The following COL23A1 variants were observed in gnomAD, a reference collection of about 807,000 sequenced individuals.
The protein encoded by COL23A1 is collagen alpha-1(XXIII) chain.
Under a neutral mutation model 99.3 loss-of-function variants are expected in COL23A1, and 97 were observed. The observed-to-expected ratio is 0.98, with a 90% confidence interval of 0.83 to 1.16. The LOEUF (loss-of-function observed/expected upper bound fraction) is 1.16. COL23A1 is among the 50% of genes most tolerant of loss of function. The probability of loss-of-function intolerance (pLI) is 0.00; values close to 1 mark genes in which losing one functional copy is unlikely to be tolerated. For missense variants in COL23A1, 762 were observed against 757.4 expected (o/e 1.01, Z -0.07); for synonymous variants, 320 against 308.2 (o/e 1.04, Z -0.40).
At chr5:178,350,522 G>A (rs1761261376) in intron 2 of COL23A1, among the ~76,000 whole-genome samples, 1 of 152,198 alleles carries the variant, frequency 6.6e-6, no homozygotes, top group Non-Finnish European at 1.5e-5. Context: ...CTGCAATGTG[G>A]GGAGCAATCA....
At chr5:178,403,134 A>AAAAAAAAAAAAAAAAAAAAAAAAAAC (rs1764559205) in intron 2 of COL23A1, among the ~76,000 whole-genome samples, 1 of 146,314 alleles carries the variant, frequency 6.8e-6, no homozygotes, top group Non-Finnish European at 1.5e-5. Flanking sequence ...AAATAAATAA[A>AAAAAAAAAAAAAAAAAAAAAAAAAAC]AAATAAATAC....
chr5:178,466,651 T>C (rs539925151), intron 2 of COL23A1, among the ~76,000 whole-genome samples: 2 of 152,354 alleles, frequency 1.3e-5, no homozygotes, highest in African/African-American at 4.8e-5. Flanking sequence ...CTGCGGGGGA[T>C]GGCCCTGCAG....
chr5:178,552,017 T>C (rs1167813716), intron 2 of COL23A1, among the ~76,000 whole-genome samples: 3 of 152,064 alleles, frequency 2.0e-5, no homozygotes, highest in Non-Finnish European at 4.4e-5. Flanking sequence ...GCATCCCCCA[T>C]CCCAGGTGGC....
intron 2 of COL23A1, among the ~76,000 whole-genome samples, chr5:178,560,061 T>C (rs1762481134): frequency 6.6e-6 from 1 of 152,146 alleles, no homozygotes; most frequent in Non-Finnish European, 1.5e-5. Context: ...TGTGCAAAGC[T>C]CCCCTGAGGA....
Position 178,470,180 on chromosome 5 carries a change from A to C in COL23A1, c.361+90502T>G, listed in dbSNP as rs577304528. On this transcript the variant is annotated intron_variant, in intron 2 of 28. Coordinates refer to ENST00000390654, the MANE Select transcript of COL23A1 (RefSeq NM_173465.4). Reference sequence around the variant, plus strand: ...TAATGCAAAGTCCTGGTTGGTCAACACCTGGTGCAGCTCTTCCTCCAGGCA... The same window carrying C: ...TAATGCAAAGTCCTGGTTGGTCAACCCCTGGTGCAGCTCTTCCTCCAGGCA... Among the ~76,000 whole-genome samples, 74 of 152,268 alleles carry C rather than the reference A, an allele frequency of 4.9e-4. 1 individual carries two copies. The highest frequency in any genetic ancestry group is 2.7e-3 in the Admixed American group (42 of 15,296).
At chr5:178,576,836 G>C (rs1763388432) in intron 1 of COL23A1, among the ~76,000 whole-genome samples, 1 of 151,904 alleles carries the variant, frequency 6.6e-6, no homozygotes, top group African/African-American at 2.4e-5. Flanking sequence ...GGCCTCTCGG[G>C]CAGCGCCGCC....
In COL23A1 at chr5:178,280,688, C is replaced by A. The variant is rs1756850998; in HGVS notation, c.441+7636G>T. On this transcript the variant is annotated intron_variant, in intron 5 of 28. Coordinates refer to ENST00000390654, the MANE Select transcript of COL23A1 (RefSeq NM_173465.4). This position sits in a 1 kb window ranked among gnomAD's most constrained non-coding sequence, Gnocchi z 4.9. ...TGCCTGGGGAAGTGGGAGGCGGTTC[C>A]AGCCAGTGACCACGCTGCAAACATA... 6.6e-6 allele frequency among the ~76,000 whole-genome samples: 1 copy of A among 152,130 alleles called. No individual in the cohort carries two copies. Among genetic ancestry groups the A allele is most frequent in the East Asian group, 1.9e-4 (1 of 5,186 alleles).
chr5:178,570,883 G>A (rs923100218), intron 1 of COL23A1, among the ~76,000 whole-genome samples: 2 of 151,904 alleles, frequency 1.3e-5, no homozygotes, highest in Non-Finnish European at 2.9e-5. Flanking sequence ...AAGATCTGCT[G>A]AGGATCCCCT....
chr5:178,270,369 A>G lies in COL23A1; in HGVS notation c.442-6T>C, dbSNP rs757777135. 4 of 1,613,918 alleles carry G rather than the reference A, an allele frequency of 2.5e-6. No homozygotes were observed. Among genetic ancestry groups the G allele is most frequent in the Non-Finnish European group, 3.4e-6 (4 of 1,179,948 alleles). On this transcript the variant is annotated splice_polypyrimidine_tract_variant and splice_region_variant and intron_variant, in intron 5 of 28. Transcript: ENST00000390654. ...CCATCCAAACCCAGGGGTCCCTGGA[A>G]AACGAGAGAGAGAGAACACAGGTTA...
chr5:178,311,330 T>C (rs2913768), intron 2 of COL23A1, among the ~76,000 whole-genome samples: 129,116 of 152,104 alleles, frequency 0.85, 55,571 homozygotes, highest in African/African-American at 0.93. Flanking sequence ...GCAACTAGAC[T>C]TGCCTTGCGG....
At chr5:178,559,397 A>G (rs1762440388) in intron 2 of COL23A1, among the ~76,000 whole-genome samples, 2 of 152,136 alleles carry the variant, frequency 1.3e-5, no homozygotes, top group South Asian at 4.1e-4. Flanking sequence ...AACAAAAGTC[A>G]CCTTTCCCTG....
chr5:178,334,522 C>T (rs1387857395), intron 2 of COL23A1, among the ~76,000 whole-genome samples: 1 of 152,222 alleles, frequency 6.6e-6, no homozygotes, highest in Non-Finnish European at 1.5e-5. Flanking sequence ...AGGACCATAA[C>T]TCGGTGATTA....
intron 2 of COL23A1, among the ~76,000 whole-genome samples, chr5:178,407,632 A>C (rs775056192): frequency 6.6e-6 from 1 of 152,244 alleles, no homozygotes; most frequent in Non-Finnish European, 1.5e-5. Context: ...CAAAGAAACA[A>C]GATATGAAGA....
intron 2 of COL23A1, among the ~76,000 whole-genome samples, chr5:178,312,146 G>A (rs973884069): frequency 1.4e-4 from 21 of 152,350 alleles, no homozygotes; most frequent in Admixed American, 7.2e-4. Flanking sequence ...GCCCTTGACT[G>A]CACTTTGAGC....
chr5:178,263,668 G>A (rs959237000), intron 8 of COL23A1, among the ~76,000 whole-genome samples: 9 of 152,182 alleles, frequency 5.9e-5, no homozygotes, highest in South Asian at 2.1e-4. Context: ...TTTCTAGAAC[G>A]GGGTCTGAGT....
In COL23A1 at chr5:178,340,317, C is replaced by T. The variant is rs1760580702; in HGVS notation, c.362-33398G>A. ...GTAAGAAAAACAATTATCCAAGAAGCATGTGTCAGAACAGCTTTGCTGGTG... is the reference window on the plus strand; with the variant it reads ...GTAAGAAAAACAATTATCCAAGAAGTATGTGTCAGAACAGCTTTGCTGGTG... On this transcript the variant is annotated intron_variant, in intron 2 of 28. Transcript: ENST00000390654. The surrounding 1 kb of genome is among the most constrained non-coding windows in gnomAD (Gnocchi z 4.7). Among the ~76,000 whole-genome samples the T allele has an allele frequency of 6.6e-6, 1 of 152,216 alleles. No homozygotes were observed. Among genetic ancestry groups the T allele is most frequent in the Non-Finnish European group, 1.5e-5 (1 of 68,034 alleles).
intron 2 of COL23A1, among the ~76,000 whole-genome samples, chr5:178,523,201 T>TGTATATATATATATAG (rs1554189087): frequency 1.8e-4 from 14 of 77,632 alleles, no homozygotes; most frequent in Non-Finnish European, 2.8e-4. Context: ...TATATATATA[T>TGTATATATATATATAG]AGAGAGAGAG....
At chr5:178,457,094 G>A (rs932369028) in intron 2 of COL23A1, among the ~76,000 whole-genome samples, 4 of 152,188 alleles carry the variant, frequency 2.6e-5, no homozygotes, top group Non-Finnish European at 5.9e-5. Context: ...TGTGGGCCAC[G>A]TGTCTGAGGC....
intron 2 of COL23A1, among the ~76,000 whole-genome samples, chr5:178,346,615 CT>C (rs1760988139): frequency 6.6e-6 from 1 of 152,156 alleles, no homozygotes; most frequent in African/African-American, 2.4e-5. Context: ...ATGTATGCCC[CT>C]TCACATACTT....
Sources: gnomAD v4.1 joint callset for allele counts (sites outside exome capture counted in the v4.1 genomes callset) on GRCh38, gnomAD v4.1.1 for gene constraint, Gnocchi (gnomAD v3.1) non-coding constraint, MANE v1.5 for transcripts, NCBI Gene and HGNC (gene_info 2026-07-23, HGNC 2026-07-21) for gene names.